AAMDC: variants seen among roughly 807,000 people sequenced by gnomAD.
AAMDC encodes the protein mth938 domain-containing protein.
Under a neutral mutation model 15.5 loss-of-function variants are expected in AAMDC, and 16 were observed. That is an observed-to-expected ratio of 1.03 (90% CI 0.70 to 1.57). The LOEUF (loss-of-function observed/expected upper bound fraction) is 1.57. AAMDC is among the 40% of genes most tolerant of loss of function. The pLI, the probability that AAMDC is intolerant of heterozygous loss-of-function variation, is 0.00. For missense variants in AAMDC, 141 were observed against 144.9 expected (o/e 0.97, Z 0.14); for synonymous variants, 51 against 51.6 (o/e 0.99, Z 0.05).
In AAMDC at chr11:77,895,531, A is replaced by G. The variant is rs1952479061; in HGVS notation, c.329-5040A>G. Among the ~76,000 whole-genome samples the G allele has an allele frequency of 8.8e-5, 6 of 67,910 alleles. No homozygotes were observed. In the Admixed American group the frequency reaches 1.0e-3, roughly 12 times the overall value. 44.6% of individuals were successfully genotyped at this position (67,910 alleles called of 152,430 possible). A position where few individuals can be genotyped will look rare whatever the true frequency, so the allele number is the denominator to read the frequency against. ...ATTCATTCTAATTCTTTTCCTGAAAAAAAAAAAAAAAAAAAAAAAAAAAAA... is the reference window on the plus strand; with the variant it reads ...ATTCATTCTAATTCTTTTCCTGAAAGAAAAAAAAAAAAAAAAAAAAAAAAA... On this transcript the variant is annotated intron_variant, in intron 5 of 5. Coordinates refer to the AAMDC transcript ENST00000304716.
chr11:77,856,300 C>G (rs1316634503), intron 2 of AAMDC, among the ~76,000 whole-genome samples: 2 of 152,186 alleles, frequency 1.3e-5, no homozygotes, highest in African/African-American at 4.8e-5. Flanking sequence ...GCCTGGACTT[C>G]ACTGTCCATT....
intron 2 of AAMDC, among the ~76,000 whole-genome samples, chr11:77,844,682 T>C (rs1950070617): frequency 6.6e-6 from 1 of 152,118 alleles, no homozygotes; most frequent in South Asian, 2.1e-4. Context: ...GAATACACGT[T>C]TATTCATTGG....
chr11:77,887,027 C>T (rs1469671706), intron 5 of AAMDC, among the ~76,000 whole-genome samples: 1 of 151,696 alleles, frequency 6.6e-6, no homozygotes, highest in Non-Finnish European at 1.5e-5. Flanking sequence ...CCTAACATCA[C>T]AATTAAAAGA....
At chr11:77,869,847 G>C in intron 3 of AAMDC, 30 bp downstream of exon 3, 1 of 1,593,830 alleles carries the variant, frequency 6.3e-7, no homozygotes, top group Non-Finnish European at 8.6e-7. Context: ...GCATTCCTGA[G>C]GACAGGTGGG....
In AAMDC at chr11:77,890,841, A is replaced by C. The variant is rs181943475; in HGVS notation, c.329-9730A>C. Among the ~76,000 whole-genome samples the C allele has an allele frequency of 1.4e-3, 214 of 152,282 alleles. 1 individual carries two copies. Among genetic ancestry groups the C allele is most frequent in the African/African-American group, 3.5e-3 (145 of 41,564 alleles). The stretch of plus-strand genomic sequence containing the variant: ...CTGAATTGATTAGTGTCTCTACTAC[A>C]TTTCTCATGTGTCTCTATTACATCT... On this transcript the variant is annotated intron_variant, in intron 5 of 5. Transcript: ENST00000304716.
In AAMDC at chr11:77,856,193, G is replaced by A. The variant is rs186880558; in HGVS notation, c.133-13529G>A. 3.1e-3 allele frequency among the ~76,000 whole-genome samples: 467 copies of A among 152,260 alleles called. 2 individuals are homozygous for A. Among genetic ancestry groups the A allele is most frequent in the African/African-American group, 0.01 (434 of 41,556 alleles). On this transcript the variant is annotated intron_variant, in intron 2 of 3. Transcript: ENST00000393427. ...AGTTCAAAGTTCTACAGATCTCTAG[G>A]GCAGGGGCACAATGCCCCCAGTCTG...
chr11:77,883,342 G>A (rs1024159622), intron 5 of AAMDC, among the ~76,000 whole-genome samples: 3 of 151,992 alleles, frequency 2.0e-5, no homozygotes, highest in Non-Finnish European at 2.9e-5. Context: ...AATCTCCTTT[G>A]TACTTGTATT....
chr11:77,891,788 G>C (rs775062418), intron 5 of AAMDC: 9 of 1,612,008 alleles, frequency 5.6e-6, no homozygotes, highest in Non-Finnish European at 7.6e-6. Flanking sequence ...ATAAGGTCAA[G>C]GAGTTTGTCC....
downstream of AAMDC, among the ~76,000 whole-genome samples, chr11:77,875,173 A>T (rs1474215672): frequency 6.6e-6 from 1 of 152,044 alleles, no homozygotes; most frequent in East Asian, 1.9e-4. Flanking sequence ...CTTTTTTTGC[A>T]GCATGCCATG....
chr11:77,841,037 C>T, intron 1 of AAMDC: 1 of 580,598 alleles, frequency 1.7e-6, no homozygotes, highest in East Asian at 2.8e-5. Context: ...GCTGGGAAGT[C>T]CAAGACCAGT....
chr11:77,896,368 C>T (rs1202724172), intron 5 of AAMDC, among the ~76,000 whole-genome samples: 3 of 152,098 alleles, frequency 2.0e-5, no homozygotes, highest in African/African-American at 7.2e-5. Flanking sequence ...AAAGAATTTA[C>T]TGGCCAGGCA....
chr11:77,871,410 G>A (rs775430200), intron 3 of AAMDC, among the ~76,000 whole-genome samples: 55 of 152,040 alleles, frequency 3.6e-4, no homozygotes, highest in African/African-American at 6.0e-4. Flanking sequence ...AACTGGTGAC[G>A]GTGCGATAAA....
chr11:77,834,449 T>G lies in AAMDC; in HGVS notation c.-18-8030T>G, dbSNP rs530341432. On this transcript the variant is annotated intron_variant, in intron 1 of 3. Coordinates refer to ENST00000393427, the MANE Select transcript of AAMDC (RefSeq NM_024684.4). ...TGGAGAAAGTTGATTTTGTTTTTTTTTTTTTTTTTTTTTGAGACAGAGTCA... is the reference window on the plus strand; with the variant it reads ...TGGAGAAAGTTGATTTTGTTTTTTTGTTTTTTTTTTTTTGAGACAGAGTCA... 1.5e-4 allele frequency among the ~76,000 whole-genome samples: 22 copies of G among 148,476 alleles called. No individual in the cohort carries two copies. The South Asian group carries it at 2.2e-3, about 15-fold the overall frequency.
At chr11:77,901,431 T>C (rs751742113), downstream of AAMDC, 3 of 1,613,926 alleles carry the variant, frequency 1.9e-6, no homozygotes, top group South Asian at 3.3e-5. Flanking sequence ...CCTCGTGTAG[T>C]TCGTGCTGTT....
chr11:77,867,011 T>C (rs540891035), intron 2 of AAMDC, among the ~76,000 whole-genome samples: 2 of 152,200 alleles, frequency 1.3e-5, no homozygotes, highest in East Asian at 3.9e-4. Context: ...CGGCTAATTT[T>C]TGTATTTTTA....
chr11:77,829,154 G>A (rs1949308063), intron 1 of AAMDC, among the ~76,000 whole-genome samples: 1 of 152,070 alleles, frequency 6.6e-6, no homozygotes, highest in South Asian at 2.1e-4. Flanking sequence ...TAATGTGATA[G>A]AACTGGTAAT....
At chr11:77,826,569 G>A (rs1039041937) in intron 1 of AAMDC, among the ~76,000 whole-genome samples, 1 of 152,094 alleles carries the variant, frequency 6.6e-6, no homozygotes, top group Non-Finnish European at 1.5e-5. Flanking sequence ...GTATTTACAT[G>A]CCAGTTGCAG....
In AAMDC at chr11:77,884,056, C is replaced by A; in HGVS notation, c.328+7007C>A. 4 of 1,183,932 alleles carry A rather than the reference C, an allele frequency of 3.4e-6. No homozygotes were observed. In the South Asian group the frequency reaches 5.6e-5, roughly 17 times the overall value. The allele number at this position is 1,183,932 out of a possible 1,614,324, so 73.3% of individuals were successfully genotyped here. On this transcript the variant is annotated intron_variant, in intron 5 of 5. Transcript: ENST00000304716. Reference sequence around the variant, plus strand: ...CCTCAAAACACAAGAAGAAACATGACACCAACTTTACTAAGATTGAGCCTT... The same window carrying A: ...CCTCAAAACACAAGAAGAAACATGAAACCAACTTTACTAAGATTGAGCCTT...
chr11:77,842,029 G>T lies in AAMDC; in HGVS notation c.-18-450G>T, dbSNP rs540054637. 5.3e-5 allele frequency among the ~76,000 whole-genome samples: 8 copies of T among 152,312 alleles called. No homozygotes were observed. The East Asian group carries it at 1.5e-3, about 29-fold the overall frequency. ...TTGTTCCAGGCAAGAACAACAAAAA[G>T]AAATTGTCCTTATCTGAAATTCAGC... On this transcript the variant is annotated intron_variant, in intron 1 of 3. Transcript: ENST00000393427.
Sources: allele counts gnomAD v4.1 joint callset (sites outside exome capture counted in the v4.1 genomes callset), GRCh38; gene constraint gnomAD v4.1.1; transcripts MANE v1.5; gene names NCBI Gene and HGNC (gene_info 2026-07-23, HGNC 2026-07-21).